The following SEC63 variants were observed in gnomAD, a reference collection of about 807,000 sequenced individuals.
SEC63 encodes translocation protein SEC63 homolog.
In SEC63, 56 loss-of-function variants were observed where a neutral mutation model predicts 116.2. The observed-to-expected ratio is 0.48, with a 90% CI of 0.39 to 0.60. The LOEUF (loss-of-function observed/expected upper bound fraction) is 0.60, where lower values mean the gene tolerates loss of function less well. SEC63 is among the 20% of genes least tolerant of loss of function. The probability of loss-of-function intolerance (pLI) is 0.00; values close to 1 mark genes in which losing one functional copy is unlikely to be tolerated. For synonymous variants in SEC63, 273 were observed against 294.6 expected (o/e 0.93, Z 0.75); for missense variants, 668 against 900.0 (o/e 0.74, Z 3.30).
At chr6:107,909,932 T>G (rs186730112) in intron 7 of SEC63, among the ~76,000 whole-genome samples, 1 of 152,308 alleles carries the variant, frequency 6.6e-6, no homozygotes, top group East Asian at 1.9e-4. Context: ...ATTATAGTAT[T>G]ATACAGCTGT....
intron 1 of SEC63, chr6:107,931,895 T>C (rs1283552069): frequency 6.6e-6 from 1 of 152,580 alleles, no homozygotes; most frequent in African/African-American, 2.4e-5. Context: ...CTGAAAGGCA[T>C]CCACAACCAC....
intron 14 of SEC63, among the ~76,000 whole-genome samples, chr6:107,897,419 TTA>T (rs1180967182): frequency 6.6e-6 from 1 of 152,228 alleles, no homozygotes; most frequent in East Asian, 1.9e-4. Context: ...TTTGTTATGA[TTA>T]TGTTTTATAG....
At chr6:107,955,232 G>A (rs1770688228) in intron 1 of SEC63, among the ~76,000 whole-genome samples, 2 of 152,148 alleles carry the variant, frequency 1.3e-5, no homozygotes, top group African/African-American at 2.4e-5. Context: ...CACGATCTCG[G>A]CTCATTGCAA....
intron 1 of SEC63, chr6:107,930,263 T>C (rs1296674830): frequency 1.5e-5 from 2 of 131,438 alleles, no homozygotes; most frequent in African/African-American, 5.8e-5. Flanking sequence ...GCACTCCTCC[T>C]GCCTCAGAGC....
At chr6:107,878,331 C>T (rs1168468528) in intron 18 of SEC63, among the ~76,000 whole-genome samples, 2 of 152,188 alleles carry the variant, frequency 1.3e-5, no homozygotes, top group Non-Finnish European at 2.9e-5. Context: ...GTTACAAAGC[C>T]TAGCACATGC....
intron 1 of SEC63, among the ~76,000 whole-genome samples, chr6:107,953,447 A>G (rs1251731933): frequency 0.022 from 1,314 of 60,780 alleles, no homozygotes; most frequent in Middle Eastern, 0.048. Flanking sequence ...GGTGAGGGGC[A>G]CCTCTGCCCG....
chr6:107,902,942 G>C lies in SEC63; in HGVS notation c.1111C>G (p.Gln371Glu), dbSNP rs1381162017. ...TGCTGAAGTCCCTGAACGGCCATCT[G>C]AGAAAGCTTCATGCAGTTTTCTAGG... is the stretch of plus-strand genomic sequence containing the variant. ...ASLENCMKLS[Q>E]MAVQGLQQFK... is the part of the protein sequence containing the mutation. Residue 371 changes from glutamine to glutamate, a missense_variant, in exon 12 of 21, where the codon CAG becomes GAG. By Grantham distance (29) the Gln-to-Glu change is conservative (BLOSUM62 2). This residue lies in a region of SEC63 where 430 missense variants were observed against 557.5 expected (regional missense o/e 0.77). Coordinates refer to ENST00000369002, the MANE Select transcript of SEC63 (RefSeq NM_007214.5). The C allele has an allele frequency of 6.2e-7, 1 of 1,613,792 alleles. No individual in the cohort carries two copies. The highest frequency in any genetic ancestry group is 8.5e-7 in the Non-Finnish European group (1 of 1,179,824).
intron 4 of SEC63, among the ~76,000 whole-genome samples, chr6:107,914,455 G>A (rs1204807361): frequency 6.6e-6 from 1 of 151,848 alleles, no homozygotes; most frequent in African/African-American, 2.4e-5. Flanking sequence ...ATAGCAAAAA[G>A]GACATTCATT....
chr6:107,892,123 G>GTT (rs1292179673), intron 16 of SEC63, among the ~76,000 whole-genome samples: 1 of 152,212 alleles, frequency 6.6e-6, no homozygotes, highest in Admixed American at 6.5e-5. Context: ...AGGTAGGGAT[G>GTT]TTTAAGTCTG....
At chr6:107,951,831 G>C (rs865954316) in intron 1 of SEC63, among the ~76,000 whole-genome samples, 2 of 152,216 alleles carry the variant, frequency 1.3e-5, no homozygotes, top group South Asian at 4.2e-4. Context: ...AAATTAGCCA[G>C]GCGTGGTGGT....
In SEC63 at chr6:107,881,153, G is replaced by A; in HGVS notation, c.1931C>T (p.Pro644Leu). ...AGTAGCCTGTATATAACTCACCTCA[G>A]GAAAGTAAAGGCTATACACAGGATG... ...ITHPVYSLYF[P>L]EEKQEWWWLY... The change falls in exon 18 of 21, where the codon CCT (proline) becomes CTT (leucine). Residue 644 changes from proline to leucine, a missense_variant. Physicochemically the swap from Pro to Leu is moderately conservative, Grantham distance 98 (BLOSUM62 -3). Around this residue, in one of 5 missense-constraint regions of SEC63, gnomAD observed 430 missense variants for 557.5 expected, o/e 0.77. Coordinates refer to ENST00000369002, the MANE Select transcript of SEC63 (RefSeq NM_007214.5). The A allele has an allele frequency of 6.2e-7, 1 of 1,601,332 alleles. No individual in the cohort carries two copies.
intron 3 of SEC63, among the ~76,000 whole-genome samples, chr6:107,922,423 T>C (rs933670828): frequency 3.9e-5 from 6 of 152,200 alleles, no homozygotes; most frequent in African/African-American, 1.4e-4. Flanking sequence ...GGAGAATCAC[T>C]TGAACTCAGG....
At chr6:107,879,327 C>A (rs1786355184) in intron 18 of SEC63, among the ~76,000 whole-genome samples, 1 of 151,872 alleles carries the variant, frequency 6.6e-6, no homozygotes, top group Non-Finnish European at 1.5e-5. Context: ...CCACGCCCGG[C>A]TAATGTTTTT....
At chr6:107,910,725 A>G (rs1370358809) in intron 7 of SEC63, among the ~76,000 whole-genome samples, 2 of 152,136 alleles carry the variant, frequency 1.3e-5, no homozygotes, top group Non-Finnish European at 2.9e-5. Flanking sequence ...ATATGTATAC[A>G]TATGTATATA....
At chr6:107,886,059 C>T (rs1786520877) in intron 16 of SEC63, among the ~76,000 whole-genome samples, 1 of 152,124 alleles carries the variant, frequency 6.6e-6, no homozygotes, top group South Asian at 2.1e-4. Context: ...CTCCCTGTGT[C>T]CATGTGTTCT....
chr6:107,945,432 G>A (rs1029673316), intron 1 of SEC63, among the ~76,000 whole-genome samples: 2 of 150,946 alleles, frequency 1.3e-5, no homozygotes, highest in Non-Finnish European at 2.9e-5. Context: ...TCAGCCTCCC[G>A]AGCAGCTGGG....
intron 1 of SEC63, among the ~76,000 whole-genome samples, chr6:107,955,430 G>A (rs1329669747): frequency 6.6e-6 from 1 of 152,182 alleles, no homozygotes; most frequent in Non-Finnish European, 1.5e-5. Context: ...CCCAAAGTGA[G>A]CCACGGCAGG....
chr6:107,948,558 G>A (rs1489874978), intron 1 of SEC63, among the ~76,000 whole-genome samples: 1 of 152,120 alleles, frequency 6.6e-6, no homozygotes, highest in East Asian at 1.9e-4. Context: ...AGGCTTGGAG[G>A]GTAAATTACG....
At chr6:107,913,317 T>C (rs780540871) in intron 5 of SEC63, 49 bp downstream of exon 5, 9 of 1,139,682 alleles carry the variant, frequency 7.9e-6, no homozygotes, top group Admixed American at 5.1e-5. Context: ...TTAACATTTT[T>C]ATAATATATA....
Sources: allele counts gnomAD v4.1 joint callset (sites outside exome capture counted in the v4.1 genomes callset), GRCh38; gene constraint gnomAD v4.1.1; regional missense constraint gnomAD v4.1.1; transcripts MANE v1.5; gene names NCBI Gene and HGNC (gene_info 2026-07-23, HGNC 2026-07-21).